The following SKIC3 variants were observed in gnomAD, a reference collection of about 807,000 sequenced individuals.
The protein encoded by SKIC3 is superkiller complex protein 3.
chr5:95,478,973 T>C, the SKIC3 span, among the ~76,000 whole-genome samples: 11 of 152,248 alleles, frequency 7.2e-5, no homozygotes, highest in African/African-American at 2.6e-4. Flanking sequence ...TGTTTACTTA[T>C]CACCACTTTT....
At chr5:95,549,930 CT>C in the SKIC3 span, among the ~76,000 whole-genome samples, 2 of 151,812 alleles carry the variant, frequency 1.3e-5, no homozygotes, top group Non-Finnish European at 2.9e-5. Context: ...GGATATTTCC[CT>C]TCATTGTAAG....
At chr5:95,541,835 C>T in the SKIC3 span, 2 of 1,612,240 alleles carry the variant, frequency 1.2e-6, no homozygotes, top group African/African-American at 2.7e-5. Flanking sequence ...GATCCAGGAG[C>T]TTTTGGTAAA....
chr5:95,511,311 G>C, the SKIC3 span, among the ~76,000 whole-genome samples: 1 of 152,232 alleles, frequency 6.6e-6, no homozygotes, highest in East Asian at 1.9e-4. Flanking sequence ...CTAATCGGAA[G>C]GCTAAGGCAA....
chr5:95,498,749 C>T, the SKIC3 span, among the ~76,000 whole-genome samples: 4 of 152,088 alleles, frequency 2.6e-5, no homozygotes, highest in Non-Finnish European at 4.4e-5. Flanking sequence ...CCTCAGCCTC[C>T]CGAGTAGCTG....
the SKIC3 span, chr5:95,484,843 TA>T: frequency 6.2e-7 from 1 of 1,613,976 alleles, no homozygotes; most frequent in Non-Finnish European, 8.5e-7. Context: ...TTTTCGTCTT[TA>T]ACTGTAAACA....
the SKIC3 span, chr5:95,469,706 CT>C: frequency 6.3e-7 from 1 of 1,599,328 alleles, no homozygotes; most frequent in Non-Finnish European, 8.6e-7. Flanking sequence ...AGTTTATAAT[CT>C]TTCCTTGATT....
At chr5:95,509,502 C>T in the SKIC3 span, 109 of 969,344 alleles carry the variant, frequency 1.1e-4, no homozygotes, top group African/African-American at 7.3e-4. Context: ...TGGCTTCACC[C>T]GGTTCTCCCA....
the SKIC3 span, among the ~76,000 whole-genome samples, chr5:95,479,791 A>G: frequency 6.6e-6 from 1 of 151,964 alleles, no homozygotes; most frequent in Non-Finnish European, 1.5e-5. Flanking sequence ...AGGTAGGACT[A>G]CTGCATTTGG....
At chr5:95,486,364 C>G in the SKIC3 span, among the ~76,000 whole-genome samples, 3 of 152,200 alleles carry the variant, frequency 2.0e-5, no homozygotes, top group Non-Finnish European at 1.5e-5. Context: ...AATTCCACTG[C>G]CCTGCAGCTA....
the SKIC3 span, among the ~76,000 whole-genome samples, chr5:95,536,176 GAAGATAC>G: frequency 7.2e-5 from 11 of 152,118 alleles, no homozygotes. Flanking sequence ...CAAAGTACAT[GAAGATAC>G]AAGAGCATGA....
chr5:95,469,980 T>TA, the SKIC3 span: 1 of 1,530,892 alleles, frequency 6.5e-7, no homozygotes, highest in Non-Finnish European at 8.9e-7. Flanking sequence ...TCAATTCAAT[T>TA]CTTTTTTTTT....
chr5:95,482,813 T>C, the SKIC3 span, among the ~76,000 whole-genome samples: 1 of 152,160 alleles, frequency 6.6e-6, no homozygotes. Context: ...ATATCAAACT[T>C]TACATTAAAA....
the SKIC3 span, chr5:95,512,454 C>T: frequency 1.2e-6 from 2 of 1,607,560 alleles, no homozygotes; most frequent in Non-Finnish European, 1.7e-6. Flanking sequence ...AAATATCTTG[C>T]TATTATATAA....
chr5:95,503,987 G>T, the SKIC3 span: 1 of 1,584,922 alleles, frequency 6.3e-7, no homozygotes, highest in Non-Finnish European at 8.6e-7. Context: ...TAATTCTGGT[G>T]TGTATCATCA....
At chr5:95,549,737 CCTTT>C in the SKIC3 span, among the ~76,000 whole-genome samples, 27 of 151,916 alleles carry the variant, frequency 1.8e-4, no homozygotes, top group African/African-American at 6.5e-4. Context: ...ACTACTACTT[CCTTT>C]TTTTTTAATT....
the SKIC3 span, chr5:95,482,461 G>A: frequency 2.5e-6 from 4 of 1,613,474 alleles, no homozygotes; most frequent in African/African-American, 4.0e-5. Context: ...AGTAAGAAAG[G>A]AGAAAACTTA....
chr5:95,500,445 C>T, the SKIC3 span, among the ~76,000 whole-genome samples: 1 of 152,144 alleles, frequency 6.6e-6, no homozygotes, highest in Admixed American at 6.5e-5. Flanking sequence ...TCATACAAAT[C>T]GTTAGTTCCT....
the SKIC3 span, among the ~76,000 whole-genome samples, chr5:95,506,068 C>T: frequency 6.6e-6 from 1 of 152,156 alleles, no homozygotes; most frequent in Admixed American, 6.5e-5. Flanking sequence ...TTATTCTACA[C>T]AATATCTGTC....
At chr5:95,536,567 T>C in the SKIC3 span, 1 of 429,384 alleles carries the variant, frequency 2.3e-6, no homozygotes, top group East Asian at 4.4e-5. Flanking sequence ...CCCTCCAATT[T>C]CCACCATTAA....
Sources: allele counts gnomAD v4.1 joint callset (sites outside exome capture counted in the v4.1 genomes callset), GRCh38; gene constraint gnomAD v4.1.1; transcripts MANE v1.5; gene names NCBI Gene and HGNC (gene_info 2026-07-23, HGNC 2026-07-21).